Variants in MID2 observed in about 807,000 individuals in gnomAD.
The protein encoded by MID2 is probable E3 ubiquitin-protein ligase MID2.
A neutral mutation model predicts 46.1 loss-of-function variants in MID2; 13 were observed. The ratio of observed to expected loss-of-function variants is 0.28; its 90% CI spans 0.18 to 0.45. The LOEUF is 0.45. MID2 is among the 20% of genes least tolerant of loss of function. MID2 has a pLI of 1.00. For missense variants in MID2, 431 were observed against 575.4 expected (o/e 0.75, Z 2.57); for synonymous variants, 199 against 212.3 (o/e 0.94, Z 0.55).
At chrX:107,849,429 A>G (rs1018698079) in intron 2 of MID2, among the ~76,000 whole-genome samples, 14 of 110,391 alleles carry the variant, frequency 1.3e-4, no homozygotes, top group African/African-American at 4.6e-4. Context: ...AGTTTTCTTG[A>G]GAGAGTCAAT....
intron 5 of MID2, among the ~76,000 whole-genome samples, chrX:107,908,006 C>T (rs1017476250): frequency 9.0e-6 from 1 of 111,713 alleles, no homozygotes; most frequent in East Asian, 2.8e-4. Flanking sequence ...AATGAGAGAA[C>T]GATGTTCAGA....
intron 8 of MID2, 75 bp downstream of exon 8, chrX:107,924,579 A>G: frequency 9.4e-7 from 1 of 1,063,704 alleles, no homozygotes; most frequent in Non-Finnish European, 1.3e-6. Context: ...CTGAGCAGGC[A>G]CTCACAGCAG....
intron 8 of MID2, among the ~76,000 whole-genome samples, chrX:107,924,981 G>A (rs748196731): frequency 3.1e-4 from 35 of 112,326 alleles, no homozygotes; most frequent in Non-Finnish European, 6.0e-4. Flanking sequence ...GCAGTTCAGG[G>A]CTAATGCAGC....
At chrX:107,857,315 C>T (rs1278600477) in intron 3 of MID2, among the ~76,000 whole-genome samples, 2 of 103,130 alleles carry the variant, frequency 1.9e-5, no homozygotes, top group Non-Finnish European at 3.9e-5. Context: ...GAATCTCGCT[C>T]TGTTGCCCAG....
rs760659853 is a variant in MID2 at position 107,929,956 on chromosome X, C to T, written c.*2883C>T. 4.5e-5 allele frequency among the ~76,000 whole-genome samples: 5 copies of T among 111,678 alleles called. No homozygotes were observed. Among genetic ancestry groups the T allele is most frequent in the Admixed American group, 9.5e-5 (1 of 10,522 alleles). ...TTGTTAAAAGAATTGATTTTGGGTT[C>T]CCACTCCTGACCTAACCAGAATATC... On this transcript the variant is annotated 3_prime_UTR_variant, in exon 10 of 10. Coordinates refer to ENST00000262843, the MANE Select transcript of MID2 (RefSeq NM_012216.4).
intron 3 of MID2, among the ~76,000 whole-genome samples, chrX:107,887,929 T>C (rs1456337446): frequency 8.9e-6 from 1 of 112,234 alleles, no homozygotes; most frequent in Admixed American, 9.4e-5. Flanking sequence ...TTTATAGTAC[T>C]CTCTGATGGT....
At chrX:107,895,310 A>G (rs955920233) in intron 3 of MID2, 8 of 110,580 alleles carry the variant, frequency 7.2e-5, no homozygotes, top group African/African-American at 9.9e-5. Context: ...TCATCCCCCC[A>G]AAACTCATTT....
chrX:107,837,501 CAGAG>C (rs760097963), intron 1 of MID2, among the ~76,000 whole-genome samples: 5 of 100,252 alleles, frequency 5.0e-5, no homozygotes, highest in African/African-American at 1.1e-4. Flanking sequence ...GTAAGAGAGA[CAGAG>C]AGAGATAAAA....
chrX:107,920,274 T>C (rs944300503), intron 7 of MID2, among the ~76,000 whole-genome samples: 7 of 112,157 alleles, frequency 6.2e-5, no homozygotes, highest in African/African-American at 2.3e-4. Context: ...TATTCCCCCT[T>C]CACCTTTTCT....
chrX:107,895,539 A>G (rs1163351160), intron 3 of MID2: 1 of 112,258 alleles, frequency 8.9e-6, no homozygotes, highest in Non-Finnish European at 1.9e-5. Context: ...GTATTCTACT[A>G]TGTGAATATT....
chrX:107,891,210 G>A (rs755580008), intron 3 of MID2, among the ~76,000 whole-genome samples: 2 of 109,469 alleles, frequency 1.8e-5, no homozygotes, highest in Non-Finnish European at 3.8e-5. Flanking sequence ...CGTCACACAC[G>A]CTGGGAGCTG....
intron 3 of MID2, among the ~76,000 whole-genome samples, chrX:107,866,633 A>G (rs768874655): frequency 9.8e-5 from 11 of 112,013 alleles, no homozygotes; most frequent in Non-Finnish European, 1.9e-4. Flanking sequence ...ATACAGAGGA[A>G]TATAGTAGCA....
Position 107,926,759 on chromosome X carries a change from A to G in MID2, c.1894A>G (p.Ser632Gly). The G allele has an allele frequency of 8.3e-7, 1 of 1,211,378 alleles. No individual in the cohort carries two copies. Among genetic ancestry groups the G allele is most frequent in the Non-Finnish European group, 1.1e-6 (1 of 895,195 alleles). The change falls in exon 10 of 10, where the codon AGT becomes GGT. Residue 632 changes from serine to glycine, a missense_variant. By Grantham distance (56) the Ser-to-Gly change is moderately conservative. Coordinates refer to ENST00000262843, the MANE Select transcript of MID2 (RefSeq NM_012216.4). ...CTCATGGGTCTTCTCTCGCTGCAAT[A>G]GTAACTTCGTGGTGAGACACAACAA... The part of the protein sequence containing the change: ...ASSWVFSRCN[S>G]NFVVRHNNKE...
At chrX:107,831,126 G>A (rs899383764) in intron 1 of MID2, among the ~76,000 whole-genome samples, 1 of 111,336 alleles carries the variant, frequency 9.0e-6, no homozygotes, top group African/African-American at 3.3e-5. Context: ...TTCCTTGTGG[G>A]ATTCACCTGA....
At chrX:107,858,473 T>C (rs1286047327) in intron 3 of MID2, among the ~76,000 whole-genome samples, 1 of 112,297 alleles carries the variant, frequency 8.9e-6, no homozygotes. Flanking sequence ...CTGTGAATAA[T>C]AGGCATTCTA....
chrX:107,863,306 A>G (rs1682157362), intron 3 of MID2, among the ~76,000 whole-genome samples: 1 of 112,049 alleles, frequency 8.9e-6, no homozygotes, highest in South Asian at 3.7e-4. Context: ...GTTAGGATTA[A>G]TATTGTTTTC....
chrX:107,849,098 C>T (rs1429972984), intron 2 of MID2, among the ~76,000 whole-genome samples: 1 of 112,191 alleles, frequency 8.9e-6, no homozygotes, highest in Admixed American at 9.4e-5. Flanking sequence ...GTTCAATTCC[C>T]ACATAAAAGC....
intron 2 of MID2, among the ~76,000 whole-genome samples, chrX:107,848,437 C>T: frequency 9.0e-6 from 1 of 111,082 alleles, no homozygotes; most frequent in African/African-American, 3.3e-5. Flanking sequence ...TGCTATGCAC[C>T]TGAAGATGGG....
At chrX:107,831,649 C>T (rs1318055305) in intron 1 of MID2, among the ~76,000 whole-genome samples, 1 of 112,068 alleles carries the variant, frequency 8.9e-6, no homozygotes, top group Non-Finnish European at 1.9e-5. Flanking sequence ...TTGGGGTCCT[C>T]TCAGCCTAAC....
Sources: gnomAD v4.1 joint callset for allele counts (sites outside exome capture counted in the v4.1 genomes callset) on GRCh38, gnomAD v4.1.1 for gene constraint, MANE v1.5 for transcripts, NCBI Gene and HGNC (gene_info 2026-07-23, HGNC 2026-07-21) for gene names.